Variants in FER observed in about 807,000 individuals in gnomAD.
The protein encoded by FER is FER tyrosine kinase, also known as tyrosine-protein kinase Fer.
FER carries 63 observed loss-of-function variants against 111.0 expected under a neutral mutation model. The observed-to-expected ratio is 0.57, with a 90% CI of 0.46 to 0.70. The LOEUF (loss-of-function observed/expected upper bound fraction) is 0.70, where lower values mean the gene tolerates loss of function less well. FER is among the 30% of genes least tolerant of loss of function. FER has a pLI of 0.00. For missense variants in FER, 914 were observed against 954.0 expected (o/e 0.96, Z 0.55); for synonymous variants, 327 against 313.9 (o/e 1.04, Z -0.44).
chr5:109,142,373 A>G (rs998431222), intron 17 of FER, among the ~76,000 whole-genome samples: 1 of 152,188 alleles, frequency 6.6e-6, no homozygotes, highest in Non-Finnish European at 1.5e-5. Flanking sequence ...AATGACAATG[A>G]TGGATGTATT....
chr5:108,997,047 G>T (rs1158045661), intron 13 of FER, among the ~76,000 whole-genome samples: 1 of 152,050 alleles, frequency 6.6e-6, no homozygotes, highest in Non-Finnish European at 1.5e-5. Flanking sequence ...GTTCACTCAT[G>T]ATTTGGCTCT....
chr5:108,846,329 T>C (rs1024972948), intron 5 of FER, among the ~76,000 whole-genome samples: 4 of 152,058 alleles, frequency 2.6e-5, no homozygotes, highest in Non-Finnish European at 5.9e-5. Flanking sequence ...TCCCAGCTAC[T>C]TGGGAGGCTG....
chr5:109,182,887 G>C (rs908067344), intron 18 of FER, among the ~76,000 whole-genome samples: 8 of 152,108 alleles, frequency 5.3e-5, no homozygotes, highest in African/African-American at 1.9e-4. Context: ...TGTCACCCGG[G>C]CTGGAGTGCG....
At chr5:108,923,170 T>C (rs893255768) in intron 10 of FER, among the ~76,000 whole-genome samples, 1 of 152,018 alleles carries the variant, frequency 6.6e-6, no homozygotes, top group African/African-American at 2.4e-5. Context: ...TACCCTATAT[T>C]GTCTTTTATT....
intron 13 of FER, among the ~76,000 whole-genome samples, chr5:109,021,603 C>A (rs1362991616): frequency 6.6e-6 from 1 of 151,958 alleles, no homozygotes; most frequent in Non-Finnish European, 1.5e-5. Flanking sequence ...ATGAAGGATT[C>A]TTAGTGCTTA....
chr5:109,003,972 C>T (rs1021779402), intron 13 of FER, among the ~76,000 whole-genome samples: 19 of 152,072 alleles, frequency 1.2e-4, no homozygotes, highest in Non-Finnish European at 2.5e-4. Flanking sequence ...GGTGTAAGAC[C>T]GGGTCTCAAG....
intron 3 of FER, among the ~76,000 whole-genome samples, chr5:108,813,375 T>A (rs1242748704): frequency 6.6e-6 from 1 of 152,134 alleles, no homozygotes; most frequent in Non-Finnish European, 1.5e-5. Flanking sequence ...TCTGCATTTT[T>A]TGTGCTAGGG....
At chr5:108,880,783 G>A (rs73781904) in intron 8 of FER, among the ~76,000 whole-genome samples, 4 of 151,676 alleles carry the variant, frequency 2.6e-5, no homozygotes. Context: ...GATGACTCTC[G>A]ATCATTATTA....
chr5:109,051,480 G>C (rs1364324356), intron 16 of FER: 1 of 1,612,898 alleles, frequency 6.2e-7, no homozygotes, highest in Non-Finnish European at 8.5e-7. Flanking sequence ...GGGAGTTAGA[G>C]ATGGTGCTTC....
intron 5 of FER, among the ~76,000 whole-genome samples, chr5:108,848,736 T>A (rs1383973535): frequency 6.6e-6 from 1 of 152,126 alleles, no homozygotes; most frequent in Non-Finnish European, 1.5e-5. Flanking sequence ...ATTTCATATA[T>A]TTATCCAAGT....
intron 10 of FER, among the ~76,000 whole-genome samples, chr5:108,929,057 A>T (rs536086279): frequency 1.3e-5 from 2 of 152,298 alleles, no homozygotes; most frequent in Non-Finnish European, 2.9e-5. Context: ...TTACCCCCAG[A>T]TATAGACTGT....
At chr5:108,898,982 T>C (rs555725804) in intron 10 of FER, among the ~76,000 whole-genome samples, 13 of 151,940 alleles carry the variant, frequency 8.6e-5, no homozygotes, top group Non-Finnish European at 1.8e-4. Context: ...TGTGGGTAAC[T>C]TACAGAACTA....
chr5:109,006,325 G>A (rs1452065908), intron 13 of FER, among the ~76,000 whole-genome samples: 2 of 152,156 alleles, frequency 1.3e-5, no homozygotes, highest in Non-Finnish European at 2.9e-5. Context: ...TCATGGGGGC[G>A]AGTCTTTCCT....
intron 13 of FER, among the ~76,000 whole-genome samples, chr5:108,982,593 A>G (rs1561715675): frequency 2.0e-5 from 3 of 151,976 alleles, no homozygotes; most frequent in Admixed American, 6.6e-5. Flanking sequence ...CATTAACACT[A>G]TTTTTTCGGT....
At chr5:108,750,799 T>G (rs1750403925) in intron 1 of FER, among the ~76,000 whole-genome samples, 1 of 152,182 alleles carries the variant, frequency 6.6e-6, no homozygotes, top group South Asian at 2.1e-4. Context: ...AAGAGTCGAG[T>G]TGAACCCACC....
At chr5:109,052,742 A>G (rs1417287080) in intron 16 of FER, among the ~76,000 whole-genome samples, 8 of 152,190 alleles carry the variant, frequency 5.3e-5, no homozygotes, top group Non-Finnish European at 7.3e-5. Context: ...TACATGATAG[A>G]ACATATTATG....
At chr5:108,826,786 C>G (rs1361235413) in intron 3 of FER, among the ~76,000 whole-genome samples, 1 of 152,162 alleles carries the variant, frequency 6.6e-6, no homozygotes, top group Non-Finnish European at 1.5e-5. Context: ...CTGTTTTAGT[C>G]TAGTCAGAAT....
intron 11 of FER, among the ~76,000 whole-genome samples, chr5:108,947,436 T>A (rs892224776): frequency 6.6e-6 from 1 of 152,098 alleles, no homozygotes; most frequent in Non-Finnish European, 1.5e-5. Context: ...TAATTTCCAT[T>A]TTCCTAATGA....
At chr5:108,848,403 G>A (rs1762232337) in intron 5 of FER, among the ~76,000 whole-genome samples, 1 of 151,898 alleles carries the variant, frequency 6.6e-6, no homozygotes, top group Non-Finnish European at 1.5e-5. Flanking sequence ...ATTTCACTTT[G>A]CCTTTATTCT....
Sources: gnomAD v4.1 joint callset for allele counts (sites outside exome capture counted in the v4.1 genomes callset) on GRCh38, gnomAD v4.1.1 for gene constraint, MANE v1.5 for transcripts, NCBI Gene and HGNC (gene_info 2026-07-23, HGNC 2026-07-21) for gene names.